The following DAB1 variants were observed in gnomAD, a reference collection of about 807,000 sequenced individuals.
DAB1 encodes DAB adaptor protein 1, also known as disabled homolog 1.
A neutral mutation model predicts 64.6 loss-of-function variants in DAB1; 15 were observed. That is an observed-to-expected ratio of 0.23 (90% CI 0.16 to 0.36). The LOEUF (loss-of-function observed/expected upper bound fraction) is 0.36, where lower values mean the gene tolerates loss of function less well. Ranked by LOEUF, DAB1 falls within the 10% of genes least tolerant of loss-of-function variation. The pLI is 1.00. For synonymous variants in DAB1, 235 were observed against 251.9 expected, an observed-to-expected ratio of 0.93 and a Z score of 0.64; for missense variants, 596 against 706.7, an observed-to-expected ratio of 0.84 and a Z score of 1.78.
intron 5 of DAB1, among the ~76,000 whole-genome samples, chr1:58,129,247 A>C (rs1214231075): frequency 1.3e-5 from 2 of 151,394 alleles, no homozygotes; most frequent in African/African-American, 2.4e-5. Flanking sequence ...ATTTGCGTAG[A>C]GGTGTTTGTA....
At chr1:57,885,508 CAG>C (rs982452855), upstream of DAB1, among the ~76,000 whole-genome samples, 4 of 152,152 alleles carry the variant, frequency 2.6e-5, no homozygotes, top group South Asian at 2.1e-4. Flanking sequence ...GGAAATCAAA[CAG>C]AGAGACCAGT....
chr1:57,192,590 C>G (rs1478068877), intron 2 of DAB1, among the ~76,000 whole-genome samples: 1 of 152,138 alleles, frequency 6.6e-6, no homozygotes, highest in East Asian at 1.9e-4. Flanking sequence ...CATCCTTACT[C>G]TGATTTGGCC....
At chr1:58,099,183 T>C (rs1331225281) in intron 5 of DAB1, among the ~76,000 whole-genome samples, 2 of 152,188 alleles carry the variant, frequency 1.3e-5, no homozygotes, top group Non-Finnish European at 2.9e-5. Flanking sequence ...CTCTTTTCCC[T>C]GGTCACGAAC....
intron 3 of DAB1, among the ~76,000 whole-genome samples, chr1:58,473,616 T>C (rs533646477): frequency 3.3e-5 from 5 of 152,212 alleles, no homozygotes; most frequent in South Asian, 4.1e-4. Flanking sequence ...ATCTGCCTCA[T>C]AGAATTGTTG....
chr1:57,902,377 T>C (rs1047193933), intron 5 of DAB1, among the ~76,000 whole-genome samples: 1 of 152,120 alleles, frequency 6.6e-6, no homozygotes, highest in East Asian at 1.9e-4. Flanking sequence ...TTATTTTGCC[T>C]GTATCTTCTA....
chr1:58,361,201 G>A (rs1644160660), intron 3 of DAB1, among the ~76,000 whole-genome samples: 1 of 152,092 alleles, frequency 6.6e-6, no homozygotes. Context: ...TTGCCCCTGG[G>A]TCTGGCCTCC....
chr1:57,885,890 CA>C (rs1247386026), upstream of DAB1, among the ~76,000 whole-genome samples: 2 of 152,106 alleles, frequency 1.3e-5, no homozygotes, highest in African/African-American at 4.8e-5. Context: ...TGACTAAAAC[CA>C]AAATATAAAC....
At chr1:57,510,445 C>A (rs1279820411) in intron 7 of DAB1, among the ~76,000 whole-genome samples, 1 of 152,190 alleles carries the variant, frequency 6.6e-6, no homozygotes, top group African/African-American at 2.4e-5. Context: ...TCTTCTCTAT[C>A]TATACGTTCT....
intron 2 of DAB1, among the ~76,000 whole-genome samples, chr1:57,282,186 A>G (rs1671957680): frequency 1.1e-5 from 1 of 88,502 alleles, no homozygotes; most frequent in African/African-American, 4.2e-5. Context: ...TCTTCTCAAA[A>G]AAAAAAAAAA....
intron 5 of DAB1, among the ~76,000 whole-genome samples, chr1:58,115,149 C>A (rs1381739268): frequency 3.9e-5 from 5 of 128,986 alleles, no homozygotes; most frequent in African/African-American, 1.2e-4. Flanking sequence ...AACAAAAAAA[C>A]AAACAACCCC....
chr1:57,521,863 A>G (rs968849106), intron 7 of DAB1, among the ~76,000 whole-genome samples: 1 of 152,170 alleles, frequency 6.6e-6, no homozygotes, highest in African/African-American at 2.4e-5. Context: ...TAATCCCAGC[A>G]CTTTGGGTGG....
intron 7 of DAB1, among the ~76,000 whole-genome samples, chr1:57,580,968 A>G (rs529681238): frequency 6.6e-6 from 1 of 152,296 alleles, no homozygotes; most frequent in Admixed American, 6.5e-5. Context: ...ACCCAGCCCT[A>G]TTGGGCACCA....
At chr1:58,492,289 C>T (rs1226692172) in intron 3 of DAB1, among the ~76,000 whole-genome samples, 1 of 151,934 alleles carries the variant, frequency 6.6e-6, no homozygotes, top group Non-Finnish European at 1.5e-5. Context: ...ATTTATAGCA[C>T]TAAATGCTCA....
chr1:57,505,772 GC>G (rs1644336458), intron 7 of DAB1, among the ~76,000 whole-genome samples: 1 of 152,122 alleles, frequency 6.6e-6, no homozygotes. Context: ...CTGGGCTCAG[GC>G]AAACCTTCCA....
chr1:58,389,315 A>G (rs1644458407), intron 3 of DAB1, among the ~76,000 whole-genome samples: 2 of 152,302 alleles, frequency 1.3e-5, no homozygotes, highest in African/African-American at 4.8e-5. Context: ...GTGCATGCCT[A>G]TAGCCCCAAC....
At chr1:58,481,058 A>T in intron 3 of DAB1, 1 of 871,936 alleles carries the variant, frequency 1.1e-6, no homozygotes. Context: ...TCTTCGTGAT[A>T]TTTAGGTCTT....
At chr1:57,559,969 G>A (rs567135391) in intron 7 of DAB1, among the ~76,000 whole-genome samples, 1 of 152,326 alleles carries the variant, frequency 6.6e-6, no homozygotes, top group East Asian at 1.9e-4. Flanking sequence ...AAGACAGATG[G>A]ATCTTGGAGA....
chr1:58,249,413 T>C (rs1388241255), intron 4 of DAB1, among the ~76,000 whole-genome samples: 2 of 151,106 alleles, frequency 1.3e-5, no homozygotes, highest in African/African-American at 4.9e-5. Context: ...TTATGCCTAA[T>C]TGGTCACTAA....
At chr1:58,123,521 A>C (rs982712050) in intron 5 of DAB1, among the ~76,000 whole-genome samples, 1 of 152,184 alleles carries the variant, frequency 6.6e-6, no homozygotes, top group Non-Finnish European at 1.5e-5. Context: ...TCTTTTATCA[A>C]GATGAAAACA....
Sources: allele counts gnomAD v4.1 joint callset (sites outside exome capture counted in the v4.1 genomes callset), GRCh38; gene constraint gnomAD v4.1.1; transcripts MANE v1.5; gene names NCBI Gene and HGNC (gene_info 2026-07-23, HGNC 2026-07-21).